NEDD4L: variants seen among roughly 807,000 people sequenced by gnomAD.
NEDD4L encodes the protein E3 ubiquitin-protein ligase NEDD4-like.
NEDD4L carries 54 observed loss-of-function variants against 148.9 expected under a neutral mutation model. The observed-to-expected ratio is 0.36, with a 90% confidence interval of 0.29 to 0.45. The LOEUF (loss-of-function observed/expected upper bound fraction) is 0.45. NEDD4L is among the 20% of genes least tolerant of loss of function. NEDD4L has a pLI of 1.00. For synonymous variants in NEDD4L, 433 were observed against 440.7 expected (o/e 0.98, Z 0.22); for missense variants, 856 against 1,233.8 (o/e 0.69, Z 4.59).
chr18:58,236,930 G>A (rs551774204), intron 2 of NEDD4L, among the ~76,000 whole-genome samples: 1 of 152,206 alleles, frequency 6.6e-6, no homozygotes, highest in Non-Finnish European at 1.5e-5. Context: ...GGCTGAGGCA[G>A]GAGAATAGCT....
At chr18:58,298,876 T>G (rs2056072189) in intron 5 of NEDD4L, among the ~76,000 whole-genome samples, 1 of 152,234 alleles carries the variant, frequency 6.6e-6, no homozygotes, top group African/African-American at 2.4e-5. Flanking sequence ...ATTAAATAAA[T>G]AAGTGATTAA....
intron 2 of NEDD4L, among the ~76,000 whole-genome samples, chr18:58,190,313 C>T (rs770892124): frequency 1.1e-4 from 17 of 152,050 alleles, no homozygotes; most frequent in Non-Finnish European, 2.4e-4. Context: ...TAAGATGAAG[C>T]ATTGCTTATA....
chr18:58,365,681 G>A (rs926796506), intron 20 of NEDD4L, among the ~76,000 whole-genome samples: 2 of 152,172 alleles, frequency 1.3e-5, no homozygotes, highest in Non-Finnish European at 2.9e-5. Flanking sequence ...AGATACAGTC[G>A]ACTGCCTTTC....
intron 5 of NEDD4L, among the ~76,000 whole-genome samples, chr18:58,263,677 T>TTG (rs1555775943): frequency 6.9e-6 from 1 of 145,020 alleles, no homozygotes; most frequent in Admixed American, 7.8e-5. Context: ...TTTTTTTTTT[T>TTG]TCTCTCTCTC....
intron 5 of NEDD4L, among the ~76,000 whole-genome samples, chr18:58,287,935 C>T (rs570518999): frequency 2.0e-5 from 3 of 152,190 alleles, no homozygotes; most frequent in Non-Finnish European, 4.4e-5. Flanking sequence ...GATAATCAGT[C>T]ATGCATATGT....
At chr18:58,383,124 A>G (rs1452270694) in intron 24 of NEDD4L, 122 bp from the exon 25 acceptor site, 4 of 644,318 alleles carry the variant, frequency 6.2e-6, no homozygotes, top group East Asian at 2.8e-5. Context: ...CACAGAGCCC[A>G]TTTGCCGGGA....
At chr18:58,225,739 A>G (rs2148015077) in intron 2 of NEDD4L, among the ~76,000 whole-genome samples, 1 of 152,340 alleles carries the variant, frequency 6.6e-6, no homozygotes, top group East Asian at 1.9e-4. Flanking sequence ...TGGCCTGCAC[A>G]GCCATCTGTG....
Position 58,246,105 on chromosome 18 carries a change from T to C in NEDD4L, c.204+597T>C, listed in dbSNP as rs779428339. ...TAACCCAAGATAGTGATTCAGGTTTTTACTTAAATGCCTACAAAAACAGTA... is the reference window on the plus strand; with the variant it reads ...TAACCCAAGATAGTGATTCAGGTTTCTACTTAAATGCCTACAAAAACAGTA... On this transcript the variant is annotated intron_variant, in intron 3 of 30. Transcript: ENST00000400345. Among the ~76,000 whole-genome samples the C allele has an allele frequency of 5.7e-4, 87 of 152,256 alleles. 1 individual carries two copies. Among genetic ancestry groups the C allele is most frequent in the Non-Finnish European group, 4.7e-4 (32 of 68,010 alleles).
chr18:58,195,553 C>A lies in NEDD4L; in HGVS notation c.122+29692C>A, dbSNP rs754456725. 5 of 1,339,298 alleles carry A rather than the reference C, an allele frequency of 3.7e-6. No homozygotes were observed. The East Asian group carries it at 1.9e-4, about 50-fold the overall frequency. The allele number at this position is 1,339,298 out of a possible 1,614,324, so 83.0% of individuals were successfully genotyped here. A position where few individuals can be genotyped will look rare whatever the true frequency, so the allele number is the denominator to read the frequency against. The stretch of plus-strand genomic sequence containing the variant: ...GAGCGGCTGCAGAGCCCTGTCCACG[C>A]GGTGCCTCCCCAGCACGGCACCTCC... On this transcript the variant is annotated intron_variant, in intron 2 of 30. Coordinates refer to ENST00000400345, the MANE Select transcript of NEDD4L (RefSeq NM_001144967.3).
chr18:58,335,370 G>C, intron 12 of NEDD4L, 108 bp from the exon 13 acceptor site: 1 of 868,160 alleles, frequency 1.2e-6, no homozygotes, highest in Non-Finnish European at 1.9e-6. Context: ...CAGGGATTCT[G>C]ATCTCACGTC....
rs373715735 is a variant in NEDD4L, at chr18:58,228,412, T to C, written c.123-17015T>C. On this transcript the variant is annotated intron_variant, in intron 2 of 30. Transcript: ENST00000400345. ...AGAAAGCATGCTGTGCTCTGAGAACTAAAAGTCATAGTCACTCCACTTGGT... is the reference window on the plus strand; with the variant it reads ...AGAAAGCATGCTGTGCTCTGAGAACCAAAAGTCATAGTCACTCCACTTGGT... 4.6e-5 allele frequency among the ~76,000 whole-genome samples: 7 copies of C among 152,274 alleles called. No individual in the cohort carries two copies. The South Asian group carries it at 1.0e-3, about 23-fold the overall frequency.
intron 16 of NEDD4L, among the ~76,000 whole-genome samples, chr18:58,348,330 T>TC (rs2043387532): frequency 1.6e-5 from 1 of 61,490 alleles, no homozygotes; most frequent in Non-Finnish European, 3.2e-5. Flanking sequence ...TTTTTTCTTT[T>TC]TTTTTTTTTT....
At chr18:58,195,590 G>C in intron 2 of NEDD4L, 1 of 1,341,790 alleles carries the variant, frequency 7.5e-7, no homozygotes, top group Non-Finnish European at 9.8e-7. Context: ...ACTCCAGGCT[G>C]TTGGTTACCT....
At chr18:58,143,697 G>T (rs1264980936) in intron 1 of NEDD4L, among the ~76,000 whole-genome samples, 1 of 152,196 alleles carries the variant, frequency 6.6e-6, no homozygotes, top group Admixed American at 6.5e-5. Context: ...GATGGTGCAA[G>T]AAACCCATCA....
At chr18:58,258,314 CA>C (rs949677897) in intron 5 of NEDD4L, among the ~76,000 whole-genome samples, 2 of 152,336 alleles carry the variant, frequency 1.3e-5, no homozygotes, top group African/African-American at 4.8e-5. Flanking sequence ...TTCGGCAACA[CA>C]ATTCCATGCT....
chr18:58,225,839 G>A (rs759572506), intron 2 of NEDD4L, among the ~76,000 whole-genome samples: 1 of 152,156 alleles, frequency 6.6e-6, no homozygotes, highest in African/African-American at 2.4e-5. Flanking sequence ...TAGTAGTAGT[G>A]TTGAGGGACA....
At position 58,389,187 on chromosome 18, in the gene NEDD4L, T is replaced by A; in HGVS notation, c.2650T>A (p.Trp884Arg). ...AAACCACCCCGTCATTCAGTGGTTC[T>A]GGAAGGTAACTCCGGGGCCCAGCCC... ...CPNHPVIQWF[W>R]KAVLLMDAEK... is the part of the protein sequence containing the mutation. Residue 884 changes from tryptophan to arginine, a missense_variant, in exon 28 of 31, where the codon TGG (tryptophan) becomes AGG (arginine). By Grantham distance (101) the Trp-to-Arg change is moderately radical (BLOSUM62 -3). This residue lies in a region of NEDD4L where 286 missense variants were observed against 531.8 expected (regional missense o/e 0.54). Coordinates refer to ENST00000400345, the MANE Select transcript of NEDD4L (RefSeq NM_001144967.3). The A allele has an allele frequency of 6.2e-7, 1 of 1,612,024 alleles. No individual in the cohort carries two copies. Among genetic ancestry groups the A allele is most frequent in the Non-Finnish European group, 8.5e-7 (1 of 1,178,266 alleles).
chr18:58,389,820 AATTT>A (rs2049567656), intron 28 of NEDD4L, among the ~76,000 whole-genome samples: 1 of 115,678 alleles, frequency 8.6e-6, no homozygotes, highest in African/African-American at 3.5e-5. Flanking sequence ...AACTTTTTCA[AATTT>A]ATTTTTATTT....
At chr18:58,364,385 C>G in intron 20 of NEDD4L, 52 bp downstream of exon 20, 1 of 1,132,300 alleles carries the variant, frequency 8.8e-7, no homozygotes, top group Non-Finnish European at 1.3e-6. Context: ...TTGTAAGTTA[C>G]CACAGTCACT....
Sources: allele counts gnomAD v4.1 joint callset (sites outside exome capture counted in the v4.1 genomes callset), GRCh38; gene constraint gnomAD v4.1.1; regional missense constraint gnomAD v4.1.1; transcripts MANE v1.5; gene names NCBI Gene and HGNC (gene_info 2026-07-23, HGNC 2026-07-21).